Variants in CHCHD6 observed in about 807,000 individuals in gnomAD.
CHCHD6 encodes MICOS complex subunit MIC25.
CHCHD6 carries 28 observed loss-of-function variants against 32.3 expected under a neutral mutation model. The observed-to-expected ratio is 0.87, with a 90% CI of 0.64 to 1.19. CHCHD6 has a LOEUF of 1.19. Ranked by LOEUF, CHCHD6 falls within the 50% of genes most tolerant of loss-of-function variation. The pLI is 0.00. For missense variants in CHCHD6, 333 were observed against 307.0 expected (o/e 1.08, Z -0.63); for synonymous variants, 122 against 117.5 (o/e 1.04, Z -0.25).
chr3:126,939,180 G>A (rs1281113554), intron 6 of CHCHD6, among the ~76,000 whole-genome samples: 1 of 152,162 alleles, frequency 6.6e-6, no homozygotes, highest in South Asian at 2.1e-4. Context: ...CCACCACCCC[G>A]GGGTGTGGCG....
chr3:126,805,407 A>G (rs1316065377), intron 4 of CHCHD6, among the ~76,000 whole-genome samples: 1 of 152,064 alleles, frequency 6.6e-6, no homozygotes, highest in African/African-American at 2.4e-5. Context: ...TACACCAATA[A>G]CAGACAAACA....
At chr3:126,934,768 C>T (rs2078454769) in intron 6 of CHCHD6, among the ~76,000 whole-genome samples, 1 of 151,956 alleles carries the variant, frequency 6.6e-6, no homozygotes, top group Non-Finnish European at 1.5e-5. Flanking sequence ...CCAGGATGGT[C>T]TCGATCTCCT....
At chr3:126,845,070 C>T (rs969737783) in intron 4 of CHCHD6, among the ~76,000 whole-genome samples, 3 of 152,156 alleles carry the variant, frequency 2.0e-5, no homozygotes, top group African/African-American at 7.2e-5. Context: ...TAAGAGAAGA[C>T]GTTTATATTG....
intron 4 of CHCHD6, among the ~76,000 whole-genome samples, chr3:126,797,783 C>T (rs573947724): frequency 2.0e-5 from 3 of 152,302 alleles, no homozygotes; most frequent in Non-Finnish European, 2.9e-5. Context: ...TTCTAACACA[C>T]GTGCTCCCTC....
intron 4 of CHCHD6, among the ~76,000 whole-genome samples, chr3:126,755,871 G>GAC (rs1936939355): frequency 7.1e-6 from 1 of 140,152 alleles, no homozygotes; most frequent in Non-Finnish European, 1.6e-5. Context: ...TGTGTGTGTA[G>GAC]ACACAGACAT....
At chr3:126,752,799 T>G (rs1357829907) in intron 4 of CHCHD6, among the ~76,000 whole-genome samples, 1 of 152,168 alleles carries the variant, frequency 6.6e-6, no homozygotes, top group Non-Finnish European at 1.5e-5. Flanking sequence ...TCCAGAAAGT[T>G]ACTGATGGCT....
At chr3:126,909,340 C>G (rs1316473499) in intron 5 of CHCHD6, among the ~76,000 whole-genome samples, 1 of 152,236 alleles carries the variant, frequency 6.6e-6, no homozygotes, top group Non-Finnish European at 1.5e-5. Context: ...CACCCCGCAC[C>G]TGTATTCTGG....
chr3:126,730,709 G>A, intron 3 of CHCHD6, 79 bp downstream of exon 3: 1 of 1,216,804 alleles, frequency 8.2e-7, no homozygotes, highest in East Asian at 2.3e-5. Context: ...CCCTCTCCTT[G>A]CCTGAAGCCC....
intron 4 of CHCHD6, among the ~76,000 whole-genome samples, chr3:126,805,529 C>G (rs1308806153): frequency 2.0e-5 from 3 of 152,022 alleles, no homozygotes; most frequent in Admixed American, 2.0e-4. Context: ...GAACTACAAA[C>G]CACTGCTCAA....
intron 5 of CHCHD6, among the ~76,000 whole-genome samples, chr3:126,852,933 A>C (rs1222018909): frequency 6.6e-6 from 1 of 152,136 alleles, no homozygotes; most frequent in Non-Finnish European, 1.5e-5. Context: ...TCATGGAGAT[A>C]ATTGGTTTTT....
At chr3:126,744,314 G>A (rs1380131650) in intron 4 of CHCHD6, among the ~76,000 whole-genome samples, 1 of 152,206 alleles carries the variant, frequency 6.6e-6, no homozygotes, top group Non-Finnish European at 1.5e-5. Flanking sequence ...TTTTCAATTT[G>A]TCAAGCCGAT....
At chr3:126,957,748 G>A (rs755506279) in intron 7 of CHCHD6, 197 bp downstream of exon 7, 36 of 679,946 alleles carry the variant, frequency 5.3e-5, no homozygotes, top group Admixed American at 1.2e-4. Flanking sequence ...TTCCAGGAGC[G>A]CCTTGGACAT....
intron 3 of CHCHD6, among the ~76,000 whole-genome samples, chr3:126,732,627 A>G (rs947020690): frequency 6.6e-6 from 1 of 152,208 alleles, no homozygotes; most frequent in Non-Finnish European, 1.5e-5. Flanking sequence ...TTTATTCTCT[A>G]TAGGATTATT....
At chr3:126,950,984 C>T (rs1486954814) in intron 6 of CHCHD6, among the ~76,000 whole-genome samples, 6 of 152,298 alleles carry the variant, frequency 3.9e-5, no homozygotes, top group South Asian at 2.1e-4. Context: ...AAAGGTCTCA[C>T]GGAAGCTTGT....
intron 1 of CHCHD6, among the ~76,000 whole-genome samples, chr3:126,719,376 G>A (rs1458641437): frequency 3.9e-5 from 6 of 152,186 alleles, no homozygotes; most frequent in African/African-American, 7.2e-5. Context: ...TAGTGCATGC[G>A]GCTTCTTGCC....
intron 5 of CHCHD6, among the ~76,000 whole-genome samples, chr3:126,857,913 C>A (rs1464614283): frequency 6.6e-6 from 1 of 152,212 alleles, no homozygotes; most frequent in African/African-American, 2.4e-5. Flanking sequence ...TAAAGCTGAA[C>A]ATGGGTATGC....
chr3:126,925,339 T>A (rs962695150), intron 6 of CHCHD6, among the ~76,000 whole-genome samples: 10 of 152,276 alleles, frequency 6.6e-5, no homozygotes, highest in African/African-American at 2.4e-4. Context: ...GGAATTTTAT[T>A]CCTCTGAGAA....
At chr3:126,925,310 A>G (rs1318594533) in intron 6 of CHCHD6, among the ~76,000 whole-genome samples, 5 of 152,200 alleles carry the variant, frequency 3.3e-5, no homozygotes, top group Non-Finnish European at 7.3e-5. Context: ...CCAGGAAAGG[A>G]GAAGGCTGAC....
chr3:126,797,235 T>G (rs1364712008), intron 4 of CHCHD6, among the ~76,000 whole-genome samples: 2 of 152,202 alleles, frequency 1.3e-5, no homozygotes, highest in African/African-American at 4.8e-5. Flanking sequence ...GTTGCTTTGC[T>G]GAGGAAAACC....
Sources: gnomAD v4.1 joint callset for allele counts (sites outside exome capture counted in the v4.1 genomes callset) on GRCh38, gnomAD v4.1.1 for gene constraint, MANE v1.5 for transcripts, NCBI Gene and HGNC (gene_info 2026-07-23, HGNC 2026-07-21) for gene names.